Variants in MEIS2 observed in about 807,000 individuals in gnomAD.
MEIS2 encodes homeobox protein Meis2.
In MEIS2, 9 loss-of-function variants were observed where a neutral mutation model predicts 58.6. The ratio of observed to expected loss-of-function variants is 0.15; its 90% CI spans 0.09 to 0.27. The LOEUF (loss-of-function observed/expected upper bound fraction) is 0.27. MEIS2 is among the 10% of genes least tolerant of loss of function. The pLI, the probability that MEIS2 is intolerant of heterozygous loss-of-function variation, is 1.00. For missense variants in MEIS2, 427 were observed against 635.0 expected (o/e 0.67, Z 3.52); for synonymous variants, 221 against 228.4 (o/e 0.97, Z 0.29).
chr15:36,951,546 T>A (rs2058749879), intron 8 of MEIS2, among the ~76,000 whole-genome samples: 1 of 152,246 alleles, frequency 6.6e-6, no homozygotes, highest in Admixed American at 6.6e-5. Context: ...TATTTCATCT[T>A]CTATAATAGC....
intron 9 of MEIS2, among the ~76,000 whole-genome samples, chr15:36,926,816 G>A (rs922495118): frequency 1.3e-5 from 2 of 152,146 alleles, no homozygotes; most frequent in African/African-American, 4.8e-5. Context: ...CACATTGCAT[G>A]CGTGCACACA....
At chr15:36,905,038 G>T (rs1343867098) in intron 9 of MEIS2, among the ~76,000 whole-genome samples, 1 of 151,988 alleles carries the variant, frequency 6.6e-6, no homozygotes, top group African/African-American at 2.4e-5. Flanking sequence ...TGTGTATTGT[G>T]TGTGTGTGTG....
intron 8 of MEIS2, among the ~76,000 whole-genome samples, chr15:37,007,983 T>C (rs1418895924): frequency 6.6e-6 from 1 of 152,216 alleles, no homozygotes; most frequent in Non-Finnish European, 1.5e-5. Context: ...AATACAAGGG[T>C]AGGCTGAAAC....
intron 5 of MEIS2, chr15:37,094,087 T>C (rs1043701747): frequency 4.4e-6 from 1 of 227,732 alleles, no homozygotes; most frequent in Non-Finnish European, 7.9e-6. Context: ...AGCATTAACG[T>C]TTGTGATTTT....
At chr15:36,970,168 C>T (rs746266662) in intron 8 of MEIS2, among the ~76,000 whole-genome samples, 5 of 152,048 alleles carry the variant, frequency 3.3e-5, no homozygotes, top group Non-Finnish European at 7.4e-5. Flanking sequence ...CTTTGGGAGG[C>T]CAAGGCGGGA....
chr15:37,075,753 G>A (rs1049843953), intron 7 of MEIS2, among the ~76,000 whole-genome samples: 2 of 151,974 alleles, frequency 1.3e-5, no homozygotes, highest in African/African-American at 4.8e-5. Flanking sequence ...AAGTGCCATG[G>A]GAGTGCAGAG....
Position 36,962,534 on chromosome 15 carries a change from A to AT in MEIS2, c.901-12135dup, listed in dbSNP as rs139787545. On this transcript the variant is annotated intron_variant, in intron 8 of 11. Coordinates refer to ENST00000561208, the MANE Select transcript of MEIS2 (RefSeq NM_170675.5). ...TAGTTATACTACACTTTTTATTTGC[A>AT]TTTTTTTTTTACTGTCGCAGTGTTA... Among the ~76,000 whole-genome samples the AT allele has an allele frequency of 1.1e-3, 157 of 148,138 alleles. 1 individual carries two copies. The highest frequency in any genetic ancestry group is 3.0e-3 in the East Asian group (15 of 5,044).
At chr15:36,929,125 C>A (rs772111631) in intron 9 of MEIS2, among the ~76,000 whole-genome samples, 1 of 152,174 alleles carries the variant, frequency 6.6e-6, no homozygotes, top group African/African-American at 2.4e-5. Context: ...GTCTCTCTAG[C>A]GCTTAGCATT....
At chr15:36,923,849 C>A (rs1264981088) in intron 9 of MEIS2, among the ~76,000 whole-genome samples, 1 of 152,166 alleles carries the variant, frequency 6.6e-6, no homozygotes, top group African/African-American at 2.4e-5. Flanking sequence ...GCAAGCCATG[C>A]CATGTCACCT....
At chr15:37,040,134 GTGCCAAATGAGTTTA>G (rs2062358931) in intron 7 of MEIS2, among the ~76,000 whole-genome samples, 1 of 151,676 alleles carries the variant, frequency 6.6e-6, no homozygotes. Flanking sequence ...CTTGGCACAT[GTGCCAAATGAGTTTA>G]TGTGCTGAAA....
intron 9 of MEIS2, among the ~76,000 whole-genome samples, chr15:36,914,794 G>A (rs10852000): frequency 0.72 from 108,666 of 151,698 alleles, 39,483 homozygotes; most frequent in East Asian, 0.81. Context: ...TTCCTCAACC[G>A]CAGCAACACA....
Position 37,031,508 on chromosome 15 carries a change from G to A in MEIS2, c.900+5306C>T, listed in dbSNP as rs540639377. Among the ~76,000 whole-genome samples, 14 of 148,986 alleles carry A rather than the reference G, an allele frequency of 9.4e-5. No individual in the cohort carries two copies. The South Asian group carries it at 2.9e-3, about 31-fold the overall frequency. On this transcript the variant is annotated intron_variant, in intron 8 of 11. Transcript: ENST00000561208. ...ACGGTCATATGGTCTTGATGAACTC[G>A]GTGGAGAGACAGGTTTCTCTAACAT...
rs1428919386 is a variant in MEIS2, at chr15:36,890,498, ATGAT to A, written c.*1671_*1674del. On this transcript the variant is annotated 3_prime_UTR_variant, in exon 12 of 12. Transcript: ENST00000561208. ...CCACAATATAATTTATAAAATATTA[ATGAT>A]TAAGTAATCTTTTAAAGTCAGAATT... 5 of 152,322 alleles carry A rather than the reference ATGAT, an allele frequency of 3.3e-5. No homozygotes were observed. The East Asian group carries it at 5.8e-4, about 18-fold the overall frequency. 9.4% of individuals were successfully genotyped at this position (152,322 alleles called of 1,614,324 possible).
chr15:37,002,136 C>A (rs2060750143), intron 8 of MEIS2, among the ~76,000 whole-genome samples: 2 of 152,168 alleles, frequency 1.3e-5, no homozygotes. Context: ...TCTGAATAGA[C>A]CTGCCCTCCC....
At chr15:37,034,569 C>T (rs1221960590) in intron 8 of MEIS2, among the ~76,000 whole-genome samples, 1 of 152,188 alleles carries the variant, frequency 6.6e-6, no homozygotes, top group Non-Finnish European at 1.5e-5. Context: ...CAACTCTAAT[C>T]GGTGGCCATG....
chr15:36,933,853 T>G (rs2058069402), intron 9 of MEIS2, among the ~76,000 whole-genome samples: 1 of 152,210 alleles, frequency 6.6e-6, no homozygotes, highest in Non-Finnish European at 1.5e-5. Flanking sequence ...TAAGTCTTGT[T>G]GGTAAAGTGC....
rs1219834182 is a variant in MEIS2, at chr15:37,053,357, G to A, written c.755-16398C>T. On this transcript the variant is annotated intron_variant, in intron 7 of 11. Transcript: ENST00000561208. ...AAAACCGGCTGACTCGACACCATTT[G>A]AGTGAGGAATTCACCGCTGACCCAG... 2.0e-5 allele frequency among the ~76,000 whole-genome samples: 3 copies of A among 152,180 alleles called. No homozygotes were observed. In the East Asian group the frequency reaches 5.8e-4, roughly 29 times the overall value.
intron 9 of MEIS2, among the ~76,000 whole-genome samples, chr15:36,921,586 A>G (rs2141297578): frequency 6.6e-6 from 1 of 152,332 alleles, no homozygotes; most frequent in East Asian, 1.9e-4. Context: ...CCAAAGTGGG[A>G]AAGAATTTGG....
At chr15:37,051,823 A>G (rs2062931564) in intron 7 of MEIS2, among the ~76,000 whole-genome samples, 1 of 152,196 alleles carries the variant, frequency 6.6e-6, no homozygotes, top group Admixed American at 6.5e-5. Flanking sequence ...AGCTCAACAT[A>G]ATATTTATGA....
Sources: allele counts gnomAD v4.1 joint callset (sites outside exome capture counted in the v4.1 genomes callset), GRCh38; gene constraint gnomAD v4.1.1; transcripts MANE v1.5; gene names NCBI Gene and HGNC (gene_info 2026-07-23, HGNC 2026-07-21).